RABGAP1L: variants seen among roughly 807,000 people sequenced by gnomAD.
The protein encoded by RABGAP1L is RAB GTPase activating protein 1 like, also known as rab GTPase-activating protein 1-like.
RABGAP1L carries 63 observed loss-of-function variants against 137.7 expected under a neutral mutation model. The ratio of observed to expected loss-of-function variants is 0.46; its 90% CI spans 0.37 to 0.56. RABGAP1L has a LOEUF of 0.56. RABGAP1L is among the 20% of genes least tolerant of loss of function. The pLI, the probability that RABGAP1L is intolerant of heterozygous loss-of-function variation, is 0.00. For synonymous variants in RABGAP1L, 431 were observed against 433.7 expected (o/e 0.99, Z 0.08); for missense variants, 1,095 against 1,244.0 (o/e 0.88, Z 1.80).
At chr1:174,707,952 C>G (rs1680175511) in intron 17 of RABGAP1L, among the ~76,000 whole-genome samples, 1 of 152,136 alleles carries the variant, frequency 6.6e-6, no homozygotes, top group Admixed American at 6.5e-5. Flanking sequence ...AAGGAAAATA[C>G]TGGTATTTCT....
At chr1:174,364,077 T>C (rs1293137016) in intron 11 of RABGAP1L, among the ~76,000 whole-genome samples, 2 of 151,874 alleles carry the variant, frequency 1.3e-5, no homozygotes, top group Non-Finnish European at 2.9e-5. Flanking sequence ...GTATTCCCTC[T>C]TCCTCTGTTT....
chr1:174,740,564 A>G (rs1461679794), intron 17 of RABGAP1L, among the ~76,000 whole-genome samples: 1 of 152,184 alleles, frequency 6.6e-6, no homozygotes, highest in Non-Finnish European at 1.5e-5. Context: ...GTTCTTTGAT[A>G]TATTGACTTC....
At chr1:174,565,241 C>T (rs1667492129) in intron 13 of RABGAP1L, among the ~76,000 whole-genome samples, 1 of 152,236 alleles carries the variant, frequency 6.6e-6, no homozygotes, top group African/African-American at 2.4e-5. Context: ...CAATTTTATT[C>T]TAATCTAACA....
At chr1:174,968,191 T>C (rs1669810033) in intron 20 of RABGAP1L, among the ~76,000 whole-genome samples, 1 of 152,250 alleles carries the variant, frequency 6.6e-6, no homozygotes, top group South Asian at 2.1e-4. Flanking sequence ...TGGTATGCTA[T>C]GATAAACTAT....
At chr1:174,550,983 C>CATAT (rs1240073255) in intron 13 of RABGAP1L, among the ~76,000 whole-genome samples, 16 of 83,424 alleles carry the variant, frequency 1.9e-4, no homozygotes, top group South Asian at 1.0e-3. Context: ...TGTATATATA[C>CATAT]ATATATATAT....
rs867262740 is a variant in RABGAP1L at position 174,780,719 on chromosome 1, C to T, written c.2211+28365C>T. Among the ~76,000 whole-genome samples, 659 of 118,050 alleles carry T rather than the reference C, an allele frequency of 5.6e-3. 11 individuals are homozygous for T. Among genetic ancestry groups the T allele is most frequent in the African/African-American group, 0.019 (621 of 32,028 alleles). 77.4% of individuals were successfully genotyped at this position (118,050 alleles called of 152,430 possible). A position where few individuals can be genotyped will look rare whatever the true frequency, so the allele number is the denominator to read the frequency against. ...ATCTCCTAATGCTATCCCTCCCCCC[C>T]ACCCCCCCACCCCACAACAGTCCCC... On this transcript the variant is annotated intron_variant, in intron 18 of 25. Transcript: ENST00000681986.
chr1:174,710,894 A>G (rs1680436568), intron 17 of RABGAP1L, among the ~76,000 whole-genome samples: 1 of 152,200 alleles, frequency 6.6e-6, no homozygotes, highest in Non-Finnish European at 1.5e-5. Flanking sequence ...AAGAGTCAAG[A>G]CCCATTGGTG....
chr1:174,645,309 A>G (rs1011889622), intron 14 of RABGAP1L, among the ~76,000 whole-genome samples: 1 of 152,074 alleles, frequency 6.6e-6, no homozygotes, highest in Admixed American at 6.6e-5. Context: ...TCATAGGTAT[A>G]GATGTGCCAT....
chr1:174,704,741 C>T (rs1178211820), intron 17 of RABGAP1L, among the ~76,000 whole-genome samples: 1 of 152,184 alleles, frequency 6.6e-6, no homozygotes, highest in East Asian at 1.9e-4. Flanking sequence ...TTCAAAGTCA[C>T]CATGTTGTAA....
intron 1 of RABGAP1L, among the ~76,000 whole-genome samples, chr1:174,189,003 CATTT>C (rs1027393815): frequency 2.0e-5 from 3 of 152,054 alleles, no homozygotes; most frequent in Non-Finnish European, 4.4e-5. Flanking sequence ...TCTTAGATAG[CATTT>C]ATTTATTTAT....
At chr1:174,650,022 T>C (rs1675326942) in intron 14 of RABGAP1L, among the ~76,000 whole-genome samples, 1 of 152,166 alleles carries the variant, frequency 6.6e-6, no homozygotes. Context: ...ATACCTAATT[T>C]ATTGAGAGTT....
intron 11 of RABGAP1L, among the ~76,000 whole-genome samples, chr1:174,369,517 A>G (rs1684923442): frequency 6.6e-6 from 1 of 152,332 alleles, no homozygotes; most frequent in African/African-American, 2.4e-5. Flanking sequence ...TTTCACTATA[A>G]AAAGTGCCTC....
At chr1:174,570,648 A>G (rs1667905773) in intron 13 of RABGAP1L, among the ~76,000 whole-genome samples, 1 of 152,172 alleles carries the variant, frequency 6.6e-6, no homozygotes, top group South Asian at 2.1e-4. Context: ...AAACCTACAC[A>G]TGTCCCCTCT....
intron 10 of RABGAP1L, among the ~76,000 whole-genome samples, chr1:174,302,054 A>G (rs549449520): frequency 6.6e-6 from 1 of 152,350 alleles, no homozygotes; most frequent in Admixed American, 6.5e-5. Flanking sequence ...ATCCAGGGAA[A>G]GACTTTTCAA....
At chr1:174,749,216 C>T (rs1684138924) in intron 17 of RABGAP1L, among the ~76,000 whole-genome samples, 1 of 150,630 alleles carries the variant, frequency 6.6e-6, no homozygotes, top group Non-Finnish European at 1.5e-5. Flanking sequence ...TCAGTCAATA[C>T]ATGTGATGTG....
chr1:174,290,209 A>G (rs1395077327), intron 10 of RABGAP1L, among the ~76,000 whole-genome samples: 1 of 152,222 alleles, frequency 6.6e-6, no homozygotes, highest in African/African-American at 2.4e-5. Context: ...TTGTCAGGTG[A>G]AGCTGTCAGC....
At chr1:174,327,984 CACATAT>C (rs1409190103) in intron 11 of RABGAP1L, among the ~76,000 whole-genome samples, 2,642 of 37,692 alleles carry the variant, frequency 0.07, 94 homozygotes, top group Non-Finnish European at 0.095. Context: ...TATATACACA[CACATAT>C]ATATATATAT....
chr1:174,896,474 T>C (rs1196256412), intron 19 of RABGAP1L, among the ~76,000 whole-genome samples: 1 of 152,252 alleles, frequency 6.6e-6, no homozygotes, highest in Non-Finnish European at 1.5e-5. Flanking sequence ...TTGGCTTTTG[T>C]TGCCATTGCT....
At chr1:174,494,164 G>A (rs1660536139) in intron 13 of RABGAP1L, among the ~76,000 whole-genome samples, 2 of 152,176 alleles carry the variant, frequency 1.3e-5, no homozygotes, top group Admixed American at 6.5e-5. Context: ...AAAGGTTTAT[G>A]TAGAGGTAAA....
Sources: gnomAD v4.1 joint callset for allele counts (sites outside exome capture counted in the v4.1 genomes callset) on GRCh38, gnomAD v4.1.1 for gene constraint, MANE v1.5 for transcripts, NCBI Gene and HGNC (gene_info 2026-07-23, HGNC 2026-07-21) for gene names.